Variants in CNTNAP2 observed in about 807,000 individuals in gnomAD.
CNTNAP2 encodes the protein contactin-associated protein-like 2.
In CNTNAP2, 98 loss-of-function variants were observed where a neutral mutation model predicts 155.2. That is an observed-to-expected ratio of 0.63 (90% confidence interval 0.54 to 0.75). CNTNAP2 has a LOEUF of 0.75. CNTNAP2 is among the 30% of genes least tolerant of loss of function. The probability of loss-of-function intolerance (pLI) is 0.00; values close to 1 mark genes in which losing one functional copy is unlikely to be tolerated. For synonymous variants in CNTNAP2, 651 were observed against 631.2 expected, an observed-to-expected ratio of 1.03 and a Z score of -0.47; for missense variants, 1,727 against 1,688.1, an observed-to-expected ratio of 1.02 and a Z score of -0.40.
intron 12 of CNTNAP2, among the ~76,000 whole-genome samples, chr7:147,601,266 A>G (rs1800937374): frequency 6.6e-6 from 1 of 151,766 alleles, no homozygotes; most frequent in Non-Finnish European, 1.5e-5. Context: ...TGTTTATTTC[A>G]CCCGGGTGCA....
intron 1 of CNTNAP2, among the ~76,000 whole-genome samples, chr7:146,329,985 C>T (rs1801155788): frequency 7.6e-6 from 1 of 132,450 alleles, no homozygotes; most frequent in African/African-American, 3.0e-5. Context: ...CGTTAAAAAT[C>T]TCATTTATTG....
intron 1 of CNTNAP2, among the ~76,000 whole-genome samples, chr7:146,622,954 C>T (rs1799354233): frequency 7.1e-6 from 1 of 141,426 alleles, no homozygotes; most frequent in Non-Finnish European, 1.5e-5. Flanking sequence ...GAGACTCCAT[C>T]TCAAAAAAAA....
At chr7:147,152,776 A>G (rs1801852297) in intron 8 of CNTNAP2, among the ~76,000 whole-genome samples, 2 of 152,278 alleles carry the variant, frequency 1.3e-5, no homozygotes, top group South Asian at 4.1e-4. Flanking sequence ...TTAAAGTCAT[A>G]AAAAATTAGA....
At chr7:147,212,092 A>G (rs1803160735) in intron 8 of CNTNAP2, among the ~76,000 whole-genome samples, 1 of 152,114 alleles carries the variant, frequency 6.6e-6, no homozygotes, top group African/African-American at 2.4e-5. Context: ...AAAAGTCATA[A>G]AACAACACAT....
At chr7:146,555,045 G>C (rs1405563901) in intron 1 of CNTNAP2, among the ~76,000 whole-genome samples, 1 of 152,100 alleles carries the variant, frequency 6.6e-6, no homozygotes, top group Non-Finnish European at 1.5e-5. Flanking sequence ...ATGAAATCTT[G>C]ATCCTCTTAC....
intron 13 of CNTNAP2, among the ~76,000 whole-genome samples, chr7:147,650,136 A>G (rs966637940): frequency 3.3e-5 from 5 of 152,168 alleles, no homozygotes; most frequent in Non-Finnish European, 7.4e-5. Context: ...CGTAAAATGA[A>G]GATAAACTTA....
chr7:146,602,680 T>C (rs1435434910), intron 1 of CNTNAP2, among the ~76,000 whole-genome samples: 1 of 152,156 alleles, frequency 6.6e-6, no homozygotes. Context: ...AAAATACACA[T>C]AGTGATTTAT....
At chr7:148,108,927 A>T (rs2116593857) in intron 15 of CNTNAP2, among the ~76,000 whole-genome samples, 1 of 152,384 alleles carries the variant, frequency 6.6e-6, no homozygotes, top group Non-Finnish European at 1.5e-5. Context: ...AAATCATAAC[A>T]TCACTTTGTA....
intron 1 of CNTNAP2, among the ~76,000 whole-genome samples, chr7:146,393,300 A>T (rs1251667805): frequency 6.6e-6 from 1 of 152,188 alleles, no homozygotes; most frequent in Non-Finnish European, 1.5e-5. Context: ...TCACCCTGAA[A>T]GTGTATTAGG....
chr7:146,643,492 G>T (rs1799750991), intron 1 of CNTNAP2, among the ~76,000 whole-genome samples: 1 of 152,076 alleles, frequency 6.6e-6, no homozygotes, highest in Non-Finnish European at 1.5e-5. Flanking sequence ...TTATTTCTGA[G>T]GGCTGTGTTC....
chr7:147,632,721 G>A (rs183085630), intron 12 of CNTNAP2, among the ~76,000 whole-genome samples: 17 of 152,314 alleles, frequency 1.1e-4, no homozygotes, highest in Admixed American at 7.2e-4. Context: ...TTGGAACTGG[G>A]TAACAGGAAG....
intron 1 of CNTNAP2, among the ~76,000 whole-genome samples, chr7:146,610,464 T>C (rs1304043904): frequency 1.3e-5 from 2 of 152,092 alleles, no homozygotes; most frequent in Non-Finnish European, 2.9e-5. Flanking sequence ...ATGCTAAAAA[T>C]GTGGCAAGAA....
intron 8 of CNTNAP2, among the ~76,000 whole-genome samples, chr7:147,239,322 A>T (rs1488842869): frequency 6.6e-6 from 1 of 151,940 alleles, no homozygotes; most frequent in Non-Finnish European, 1.5e-5. Context: ...CCTGACCAAC[A>T]TGGTGAAATC....
intron 8 of CNTNAP2, among the ~76,000 whole-genome samples, chr7:147,163,324 T>C (rs546259911): frequency 1.4e-4 from 21 of 152,306 alleles, no homozygotes; most frequent in African/African-American, 4.8e-4. Flanking sequence ...ACCAGTCTAT[T>C]AAACAGAAAT....
chr7:146,988,505 A>G (rs1042583931), intron 3 of CNTNAP2, among the ~76,000 whole-genome samples: 1 of 152,118 alleles, frequency 6.6e-6, no homozygotes, highest in African/African-American at 2.4e-5. Flanking sequence ...TAAACTTTGT[A>G]TTTGGTATGA....
intron 4 of CNTNAP2, among the ~76,000 whole-genome samples, chr7:147,061,155 G>T (rs1434708550): frequency 6.6e-6 from 1 of 150,936 alleles, no homozygotes; most frequent in African/African-American, 2.5e-5. Flanking sequence ...CTATTAATGG[G>T]CATGAAGTTG....
chr7:146,661,733 T>TTTC (rs1800093020), intron 1 of CNTNAP2, among the ~76,000 whole-genome samples: 1 of 11,868 alleles, frequency 8.4e-5, no homozygotes, highest in Non-Finnish European at 2.8e-4. Flanking sequence ...TCTTTCTTTC[T>TTTC]TTTTTTTTTT....
chr7:147,958,380 G>A (rs1801058875), intron 14 of CNTNAP2, among the ~76,000 whole-genome samples: 1 of 152,088 alleles, frequency 6.6e-6, no homozygotes, highest in South Asian at 2.1e-4. Flanking sequence ...AGTTTGCGAG[G>A]GAACCAGGGT....
At chr7:147,822,444 C>A (rs530359915) in intron 13 of CNTNAP2, among the ~76,000 whole-genome samples, 18 of 152,204 alleles carry the variant, frequency 1.2e-4, no homozygotes, top group African/African-American at 4.3e-4. Context: ...CAAAAAGAGT[C>A]TATTTTATAT....
Sources: allele counts gnomAD v4.1 joint callset (sites outside exome capture counted in the v4.1 genomes callset), GRCh38; gene constraint gnomAD v4.1.1; transcripts MANE v1.5; gene names NCBI Gene and HGNC (gene_info 2026-07-23, HGNC 2026-07-21).